Variants in STIM2 observed in about 807,000 individuals in gnomAD.
STIM2 encodes stromal interaction molecule 2.
Under a neutral mutation model 85.8 loss-of-function variants are expected in STIM2, and 31 were observed. The observed-to-expected ratio is 0.36, with a 90% CI of 0.27 to 0.49. The LOEUF is 0.49. STIM2 is among the 20% of genes least tolerant of loss of function. The pLI, the probability that STIM2 is intolerant of heterozygous loss-of-function variation, is 0.98. For synonymous variants in STIM2, 356 were observed against 331.1 expected (o/e 1.08, Z -0.82); for missense variants, 841 against 927.6 (o/e 0.91, Z 1.21).
At position 26,925,753 on chromosome 4, in the gene STIM2, C is replaced by G. The variant is rs997796763; in HGVS notation, c.282+6119C>G. 4.1e-5 allele frequency among the ~76,000 whole-genome samples: 3 copies of G among 73,940 alleles called. 1 individual carries two copies. The highest frequency in any genetic ancestry group is 3.6e-4 in the African/African-American group (3 of 8,412). 48.5% of individuals were successfully genotyped at this position (73,940 alleles called of 152,430 possible). On this transcript the variant is annotated intron_variant, in intron 2 of 11. Transcript: ENST00000467087. ...AAGTCAAATTGTCCCTGTTTGCAGACGACATGATTGTTTATCTAGAAAACC... is the reference window on the plus strand; with the variant it reads ...AAGTCAAATTGTCCCTGTTTGCAGAGGACATGATTGTTTATCTAGAAAACC...
intron 3 of STIM2, among the ~76,000 whole-genome samples, chr4:26,973,215 A>C (rs1727036778): frequency 6.6e-6 from 1 of 151,918 alleles, no homozygotes; most frequent in Admixed American, 6.6e-5. Flanking sequence ...TGATTTTTTG[A>C]AGGGTTTTTT....
chr4:26,952,822 T>C (rs1354341576), intron 2 of STIM2, among the ~76,000 whole-genome samples: 1 of 152,142 alleles, frequency 6.6e-6, no homozygotes, highest in Non-Finnish European at 1.5e-5. Context: ...ACTTAGACTT[T>C]AGAATTCTTT....
chr4:26,875,952 G>A (rs948219045), intron 1 of STIM2, among the ~76,000 whole-genome samples: 6 of 152,118 alleles, frequency 3.9e-5, no homozygotes, highest in African/African-American at 1.4e-4. Context: ...AGAGTTCAGT[G>A]TTTCCTTCTG....
chr4:26,912,142 T>G (rs1724367203), intron 1 of STIM2, among the ~76,000 whole-genome samples: 1 of 152,224 alleles, frequency 6.6e-6, no homozygotes, highest in South Asian at 2.1e-4. Flanking sequence ...GTGGAAGTAC[T>G]AAATACAAAC....
At chr4:26,897,661 C>T (rs780964139) in intron 1 of STIM2, among the ~76,000 whole-genome samples, 1 of 152,158 alleles carries the variant, frequency 6.6e-6, no homozygotes, top group Admixed American at 6.5e-5. Flanking sequence ...TTTATTAGGA[C>T]ATTTGAAAAC....
At chr4:26,952,782 A>C (rs1472687679) in intron 2 of STIM2, among the ~76,000 whole-genome samples, 1 of 152,166 alleles carries the variant, frequency 6.6e-6, no homozygotes, top group Non-Finnish European at 1.5e-5. Context: ...GCATTTATAC[A>C]GAACATCCAG....
chr4:26,917,105 C>G (rs1032425483), intron 1 of STIM2, among the ~76,000 whole-genome samples: 1 of 152,096 alleles, frequency 6.6e-6, no homozygotes, highest in African/African-American at 2.4e-5. Flanking sequence ...CTGCCCTGTT[C>G]ATAATCTTAG....
chr4:26,874,035 T>C (rs1473848105), intron 1 of STIM2: 1 of 696,724 alleles, frequency 1.4e-6, no homozygotes. Flanking sequence ...AGCCACTTGG[T>C]GTCAGGACTC....
intron 3 of STIM2, among the ~76,000 whole-genome samples, chr4:26,971,780 G>A (rs1399993793): frequency 6.6e-6 from 1 of 152,194 alleles, no homozygotes; most frequent in East Asian, 1.9e-4. Context: ...TGTGAAGAAA[G>A]TCATTGGTAG....
chr4:26,919,561 A>C lies in STIM2; in HGVS notation c.209A>C (p.Glu70Ala). 6.2e-7 allele frequency: 1 copy of C among 1,613,764 alleles called. No individual in the cohort carries two copies. The highest frequency in any genetic ancestry group is 8.5e-7 in the Non-Finnish European group (1 of 1,179,766). ...ACAGAAGAAGACAGATTTAGTCTGG[A>C]AGCTCTTCAAACAATACATAAACAA... Residue 70 changes from glutamate (E) to alanine (A), a missense_variant, in exon 2 of 12, where the codon GAA becomes GCA. By Grantham distance (107) the Glu-to-Ala change is moderately radical (BLOSUM62 -1). Around this residue, in one of 3 missense-constraint regions of STIM2, gnomAD observed 140 missense variants for 117.7 expected, o/e 1.19. Transcript: ENST00000467087.
intron 1 of STIM2, among the ~76,000 whole-genome samples, chr4:26,870,550 A>G (rs1037953685): frequency 6.6e-6 from 1 of 152,202 alleles, no homozygotes; most frequent in Non-Finnish European, 1.5e-5. Flanking sequence ...TATAATTATA[A>G]ATAACTATAA....
At chr4:26,969,620 C>T (rs1726857604) in intron 3 of STIM2, among the ~76,000 whole-genome samples, 1 of 152,270 alleles carries the variant, frequency 6.6e-6, no homozygotes, top group Middle Eastern at 3.4e-3. Flanking sequence ...GTCTAAATTT[C>T]TCTCATCTGT....
At chr4:26,933,121 G>A (rs777739791) in intron 2 of STIM2, among the ~76,000 whole-genome samples, 2 of 151,536 alleles carry the variant, frequency 1.3e-5, no homozygotes, top group African/African-American at 2.4e-5. Flanking sequence ...GGATATATTA[G>A]CGCTTAATGC....
chr4:26,868,785 C>T (rs994315083), intron 1 of STIM2, among the ~76,000 whole-genome samples: 13 of 152,086 alleles, frequency 8.5e-5, no homozygotes, highest in Admixed American at 3.9e-4. Context: ...TCATTAATGA[C>T]GTGTATGTAA....
intron 2 of STIM2, among the ~76,000 whole-genome samples, chr4:26,931,688 G>A (rs1448727844): frequency 6.6e-6 from 1 of 152,122 alleles, no homozygotes; most frequent in Non-Finnish European, 1.5e-5. Context: ...AACAAGCAGG[G>A]CAAAGGGAAG....
intron 1 of STIM2, among the ~76,000 whole-genome samples, chr4:26,890,651 C>G (rs55646519): frequency 6.6e-6 from 1 of 151,646 alleles, no homozygotes; most frequent in Admixed American, 6.6e-5. Flanking sequence ...GTTGAAACCC[C>G]GTCTCTACTA....
intron 1 of STIM2, among the ~76,000 whole-genome samples, chr4:26,896,513 G>T (rs1158350091): frequency 6.6e-6 from 1 of 152,144 alleles, no homozygotes; most frequent in East Asian, 1.9e-4. Flanking sequence ...CATATGAGAT[G>T]ATGCCTTGAC....
At chr4:26,974,861 C>A (rs1024872804) in intron 3 of STIM2, among the ~76,000 whole-genome samples, 5 of 152,200 alleles carry the variant, frequency 3.3e-5, no homozygotes, top group Non-Finnish European at 7.3e-5. Flanking sequence ...CCCCCCATCA[C>A]TTTCAGGTAC....
At chr4:26,892,355 G>A (rs1723524981) in intron 1 of STIM2, among the ~76,000 whole-genome samples, 1 of 152,142 alleles carries the variant, frequency 6.6e-6, no homozygotes, top group Non-Finnish European at 1.5e-5. Context: ...CTGTTTTGCG[G>A]CCATCTTTTT....
Sources: allele counts gnomAD v4.1 joint callset (sites outside exome capture counted in the v4.1 genomes callset), GRCh38; gene constraint gnomAD v4.1.1; regional missense constraint gnomAD v4.1.1; transcripts MANE v1.5; gene names NCBI Gene and HGNC (gene_info 2026-07-23, HGNC 2026-07-21).